Variants in GARIN1B observed in about 807,000 individuals in gnomAD.
GARIN1B encodes the protein golgi associated RAB2 interactor 1B, also known as Golgi-associated RAB2 interactor protein 1B.
At chr7:128,731,398 G>T in the GARIN1B span, 1 of 521,004 alleles carries the variant, frequency 1.9e-6, no homozygotes, top group Non-Finnish European at 3.4e-6. Context: ...TGAAAGGGAA[G>T]TAGGACCAGA....
the GARIN1B span, chr7:128,726,724 TA>T: frequency 7.9e-7 from 1 of 1,268,212 alleles, no homozygotes; most frequent in Non-Finnish European, 1.1e-6. Context: ...TATCTGTCTC[TA>T]AAGCTTTGCA....
At chr7:128,714,270 C>A in the GARIN1B span, 1 of 908,342 alleles carries the variant, frequency 1.1e-6, no homozygotes. Context: ...ATGGTTAATT[C>A]ATTATGTAAT....
chr7:128,731,273 A>G, the GARIN1B span: 1 of 771,050 alleles, frequency 1.3e-6, no homozygotes, highest in Non-Finnish European at 2.3e-6. Context: ...CCAGCTGTAC[A>G]TAACCACGTC....
the GARIN1B span, chr7:128,726,752 A>G: frequency 6.5e-7 from 1 of 1,543,860 alleles, no homozygotes; most frequent in South Asian, 1.1e-5. Flanking sequence ...ACTTTGGAAC[A>G]AGATCTGAAA....
At chr7:128,718,880 C>G in the GARIN1B span, 1 of 1,614,176 alleles carries the variant, frequency 6.2e-7, no homozygotes, top group Non-Finnish European at 8.5e-7. Flanking sequence ...CCACTATCAA[C>G]GCATCCTGCA....
the GARIN1B span, chr7:128,731,297 C>T: frequency 1.5e-5 from 10 of 669,232 alleles, no homozygotes; most frequent in Admixed American, 2.2e-4. Context: ...GCCACTGCAC[C>T]TCGGCATATG....
chr7:128,726,904 G>T, the GARIN1B span: 1 of 1,597,028 alleles, frequency 6.3e-7, no homozygotes, highest in Non-Finnish European at 8.6e-7. Context: ...ATGCCTCAAA[G>T]AGCTTTCTAC....
At chr7:128,730,060 C>T in the GARIN1B span, 2 of 1,613,814 alleles carry the variant, frequency 1.2e-6, no homozygotes, top group African/African-American at 2.7e-5. Context: ...ACAGCTGGCC[C>T]CACCCATAGG....
the GARIN1B span, chr7:128,723,381 G>A: frequency 1.3e-6 from 2 of 1,571,190 alleles, no homozygotes; most frequent in Non-Finnish European, 1.7e-6. Flanking sequence ...GGTCTGGGCT[G>A]TGAGATCCAG....
chr7:128,718,557 G>A, the GARIN1B span, among the ~76,000 whole-genome samples: 1 of 152,174 alleles, frequency 6.6e-6, no homozygotes, highest in Non-Finnish European at 1.5e-5. Context: ...CGAGAATCAT[G>A]GCAGGGTAGG....
the GARIN1B span, chr7:128,716,795 C>CT: frequency 3.1e-6 from 5 of 1,590,692 alleles, no homozygotes; most frequent in African/African-American, 6.7e-5. Context: ...CAGGTTGTGC[C>CT]TGGGGGCTGT....
At chr7:128,714,149 C>T in the GARIN1B span, 1 of 1,535,630 alleles carries the variant, frequency 6.5e-7, no homozygotes, top group Non-Finnish European at 8.7e-7. Context: ...GCCTCCAGGC[C>T]CTTTAGGCTT....
At chr7:128,713,298 C>T in the GARIN1B span, among the ~76,000 whole-genome samples, 1 of 152,002 alleles carries the variant, frequency 6.6e-6, no homozygotes, top group African/African-American at 2.4e-5. Context: ...CAGAGTGAGA[C>T]CTTATTTCAA....
the GARIN1B span, among the ~76,000 whole-genome samples, chr7:128,722,582 G>C: frequency 6.6e-6 from 1 of 152,302 alleles, no homozygotes; most frequent in Admixed American, 6.5e-5. Flanking sequence ...AAGGTGGGCA[G>C]ATCACGAGGT....
chr7:128,731,280 C>T, the GARIN1B span: 9 of 731,634 alleles, frequency 1.2e-5, no homozygotes, highest in East Asian at 5.2e-5. Context: ...TACATAACCA[C>T]GTCCTCGCCA....
the GARIN1B span, chr7:128,713,956 G>T: frequency 6.6e-7 from 1 of 1,522,850 alleles, no homozygotes; most frequent in Non-Finnish European, 8.8e-7. Context: ...CAAAGGATGT[G>T]GTCTCTGATC....
chr7:128,718,241 T>C, the GARIN1B span, among the ~76,000 whole-genome samples: 4 of 152,206 alleles, frequency 2.6e-5, no homozygotes, highest in Non-Finnish European at 4.4e-5. Context: ...GAGACCAGCC[T>C]GACCAACATG....
the GARIN1B span, among the ~76,000 whole-genome samples, chr7:128,722,517 C>A: frequency 1.3e-5 from 2 of 152,044 alleles, no homozygotes; most frequent in Non-Finnish European, 2.9e-5. Context: ...TTTTAAAACA[C>A]CAATTAGGCC....
the GARIN1B span, among the ~76,000 whole-genome samples, chr7:128,729,028 T>C: frequency 6.6e-6 from 1 of 152,208 alleles, no homozygotes; most frequent in Non-Finnish European, 1.5e-5. Context: ...CAAACATTTC[T>C]GGGACTTGAG....
Sources: gnomAD v4.1 joint callset for allele counts (sites outside exome capture counted in the v4.1 genomes callset) on GRCh38, gnomAD v4.1.1 for gene constraint, MANE v1.5 for transcripts, NCBI Gene and HGNC (gene_info 2026-07-23, HGNC 2026-07-21) for gene names.